Variants in KAZN observed in about 807,000 individuals in gnomAD.
The protein encoded by KAZN is kazrin.
Under a neutral mutation model 87.4 loss-of-function variants are expected in KAZN, and 40 were observed. The observed-to-expected ratio is 0.46, with a 90% CI of 0.36 to 0.60. The LOEUF (loss-of-function observed/expected upper bound fraction) is 0.60. Among genes scored for constraint, KAZN ranks in the 20% least tolerant of loss-of-function variants. The pLI, the probability that KAZN is intolerant of heterozygous loss-of-function variation, is 0.00. For missense variants in KAZN, 898 were observed against 1,073.9 expected, an observed-to-expected ratio of 0.84 and a Z score of 2.29; for synonymous variants, 466 against 458.3, an observed-to-expected ratio of 1.02 and a Z score of -0.22.
At chr1:15,086,438 G>A (rs1640261571) in intron 8 of KAZN, among the ~76,000 whole-genome samples, 1 of 152,174 alleles carries the variant, frequency 6.6e-6, no homozygotes, top group Admixed American at 6.5e-5. Flanking sequence ...ACCCTTTGAA[G>A]CACAAGGGTA....
chr1:14,031,513 T>C (rs568870930), intron 1 of KAZN, among the ~76,000 whole-genome samples: 1 of 152,352 alleles, frequency 6.6e-6, no homozygotes, highest in Admixed American at 6.5e-5. Flanking sequence ...TTTGGCCTTG[T>C]TGAATTTTCA....
At position 14,570,945 on chromosome 1, in the gene KAZN, C is replaced by G. The variant is rs187975127; in HGVS notation, c.250-28038C>G. Among the ~76,000 whole-genome samples, 44 of 152,258 alleles carry G rather than the reference C, an allele frequency of 2.9e-4. 1 individual carries two copies. Among genetic ancestry groups the G allele is most frequent in the African/African-American group, 1.0e-3 (43 of 41,536 alleles). On this transcript the variant is annotated intron_variant, in intron 2 of 16. Transcript: ENST00000636203. ...TTACTCCTGACCTCTGAATCCTTAC[C>G]TACCTACCTGAATTTCTCATCTGCA...
At chr1:14,604,139 T>C (rs143436556) in intron 1 of KAZN, among the ~76,000 whole-genome samples, 11 of 152,140 alleles carry the variant, frequency 7.2e-5, no homozygotes, top group Admixed American at 1.3e-4. Context: ...ATGTTGCACG[T>C]GGAAATAGGT....
chr1:14,327,955 C>T (rs1656560663), intron 2 of KAZN, among the ~76,000 whole-genome samples: 1 of 152,192 alleles, frequency 6.6e-6, no homozygotes, highest in Non-Finnish European at 1.5e-5. Flanking sequence ...ATTACATTAG[C>T]ATCAGAGATT....
intron 2 of KAZN, among the ~76,000 whole-genome samples, chr1:14,574,386 C>G (rs780453214): frequency 1.3e-5 from 2 of 152,160 alleles, no homozygotes; most frequent in South Asian, 2.1e-4. Context: ...CCCATAATTC[C>G]CACGTGTTGT....
intron 1 of KAZN, among the ~76,000 whole-genome samples, chr1:14,649,581 G>A (rs746222648): frequency 2.0e-5 from 3 of 152,166 alleles, no homozygotes; most frequent in Non-Finnish European, 2.9e-5. Flanking sequence ...AAGGTCTGAG[G>A]GTTTGCCTGC....
intron 1 of KAZN, among the ~76,000 whole-genome samples, chr1:13,942,464 C>T (rs1041294561): frequency 2.0e-4 from 29 of 145,638 alleles, no homozygotes; most frequent in Non-Finnish European, 1.6e-4. Flanking sequence ...GGCGTGAACC[C>T]GGGAAGCGGA....
At chr1:15,065,973 C>A in intron 8 of KAZN, 1 of 1,367,622 alleles carries the variant, frequency 7.3e-7, no homozygotes, top group Non-Finnish European at 9.4e-7. Flanking sequence ...GAGTGTGAAC[C>A]TCTCTCCCCT....
chr1:14,204,840 T>A (rs1383684552), intron 2 of KAZN, among the ~76,000 whole-genome samples: 1 of 152,248 alleles, frequency 6.6e-6, no homozygotes, highest in African/African-American at 2.4e-5. Flanking sequence ...TGGAACTCAG[T>A]TCTGCTAGCC....
At chr1:14,123,370 C>G (rs892595473) in intron 1 of KAZN, among the ~76,000 whole-genome samples, 3 of 152,154 alleles carry the variant, frequency 2.0e-5, no homozygotes, top group African/African-American at 7.2e-5. Context: ...AGCTGTCAGC[C>G]TTGTTGATGT....
intron 1 of KAZN, among the ~76,000 whole-genome samples, chr1:14,002,218 G>C (rs1412735120): frequency 2.0e-5 from 3 of 152,178 alleles, no homozygotes; most frequent in Admixed American, 6.5e-5. Flanking sequence ...CTCAAAAGAA[G>C]ACATTTATGT....
At chr1:14,311,736 G>A (rs948692307) in intron 2 of KAZN, among the ~76,000 whole-genome samples, 1 of 152,070 alleles carries the variant, frequency 6.6e-6, no homozygotes, top group African/African-American at 2.4e-5. Context: ...ATGGATGGAT[G>A]GATGGAAGGA....
intron 2 of KAZN, chr1:14,391,484 C>T (rs1468061510): frequency 6.6e-6 from 1 of 152,522 alleles, no homozygotes; most frequent in East Asian, 1.9e-4. Context: ...AACACCTGCT[C>T]CCACATCTCA....
intron 1 of KAZN, among the ~76,000 whole-genome samples, chr1:14,116,305 C>A (rs1051224030): frequency 3.3e-5 from 5 of 152,180 alleles, no homozygotes; most frequent in Non-Finnish European, 5.9e-5. Flanking sequence ...TTTTGTGGAA[C>A]AGGCCCAGGG....
chr1:14,978,010 C>T (rs748160275), intron 2 of KAZN, among the ~76,000 whole-genome samples: 15 of 151,780 alleles, frequency 9.9e-5, no homozygotes, highest in South Asian at 2.1e-4. Flanking sequence ...CTCCTGCCTC[C>T]GCCTCCCGAG....
intron 2 of KAZN, among the ~76,000 whole-genome samples, chr1:14,340,449 C>T (rs1248228357): frequency 6.6e-6 from 1 of 152,216 alleles, no homozygotes; most frequent in Non-Finnish European, 1.5e-5. Flanking sequence ...TTGGAAATCA[C>T]AACAATTTGG....
chr1:14,403,956 G>C (rs1663627064), intron 2 of KAZN, among the ~76,000 whole-genome samples: 1 of 152,092 alleles, frequency 6.6e-6, no homozygotes, highest in African/African-American at 2.4e-5. Flanking sequence ...GGAGAAAATG[G>C]GTTGCCGCTT....
intron 1 of KAZN, among the ~76,000 whole-genome samples, chr1:14,114,879 C>G (rs1364175107): frequency 5.9e-5 from 9 of 152,224 alleles, no homozygotes. Context: ...AATGACACAA[C>G]TACAACCATA....
chr1:14,635,784 C>G (rs946497768), intron 1 of KAZN, among the ~76,000 whole-genome samples: 3 of 152,186 alleles, frequency 2.0e-5, no homozygotes, highest in African/African-American at 7.2e-5. Context: ...CTGCTGATAT[C>G]CAGTGGGTGG....
Sources: allele counts gnomAD v4.1 joint callset (sites outside exome capture counted in the v4.1 genomes callset), GRCh38; gene constraint gnomAD v4.1.1; transcripts MANE v1.5; gene names NCBI Gene and HGNC (gene_info 2026-07-23, HGNC 2026-07-21).